TEF: variants seen among roughly 807,000 people sequenced by gnomAD.
TEF encodes thyrotroph embryonic factor.
A neutral mutation model predicts 20.8 loss-of-function variants in TEF; 3 were observed. The ratio of observed to expected loss-of-function variants is 0.14; its 90% CI spans 0.07 to 0.37. The LOEUF (loss-of-function observed/expected upper bound fraction) is 0.37. TEF is among the 10% of genes least tolerant of loss of function. The pLI is 1.00. For synonymous variants in TEF, 180 were observed against 171.1 expected (o/e 1.05, Z -0.41); for missense variants, 296 against 397.9 (o/e 0.74, Z 2.18).
At position 41,382,785 on chromosome 22, in the gene TEF, G is replaced by C. The variant is rs528034215; in HGVS notation, c.157+584G>C. 29 of 407,276 alleles carry C rather than the reference G, an allele frequency of 7.1e-5. No homozygotes were observed. The East Asian group carries it at 9.3e-4, about 13-fold the overall frequency. The allele number at this position is 407,276 out of a possible 1,614,324, so 25.2% of individuals were successfully genotyped here. A position where few individuals can be genotyped will look rare whatever the true frequency, so the allele number is the denominator to read the frequency against. The stretch of plus-strand genomic sequence containing the variant: ...TGCGGGGCTTCTGCTGAGCGGGTGG[G>C]GGGGGTGTGGGCGAGTAGTGTGAGG... On this transcript the variant is annotated intron_variant, in intron 1 of 3. Coordinates refer to ENST00000266304, the MANE Select transcript of TEF (RefSeq NM_003216.4).
chr22:41,369,817 A>T, intron 1 of TEF: 1 of 799,610 alleles, frequency 1.3e-6, no homozygotes, highest in Non-Finnish European at 1.5e-6. Context: ...GCTCCAGAAA[A>T]CAGGGATGCC....
chr22:41,384,755 CTT>C (rs907013385), intron 1 of TEF, among the ~76,000 whole-genome samples: 24 of 151,756 alleles, frequency 1.6e-4, no homozygotes, highest in Admixed American at 6.6e-4. Flanking sequence ...TGTAAAGACA[CTT>C]TTTTTTTCTT....
intron 1 of TEF, among the ~76,000 whole-genome samples, chr22:41,374,041 C>T (rs1046155317): frequency 5.9e-5 from 9 of 152,080 alleles, no homozygotes; most frequent in Admixed American, 2.0e-4. Context: ...GGATTGCAGG[C>T]ATGAGCCACC....
rs1242641070 is a variant in TEF, at chr22:41,382,056, G to T, written c.12G>T (p.Ala4=). 3.2e-6 allele frequency: 4 copies of T among 1,231,160 alleles called. No homozygotes were observed. The East Asian group carries it at 9.5e-5, about 29-fold the overall frequency. The allele number at this position is 1,231,160 out of a possible 1,614,324, so 76.3% of individuals were successfully genotyped here. MSD[A]GGGKKPPVDP... is the part of the protein sequence containing the mutation. ...GAGTCCGGGGCACGATGTCCGACGC[G>T]GGCGGCGGAAAGAAGCCGCCTGTGG... The change falls in exon 1 of 4, where the codon GCG becomes GCT. Residue 4 remains alanine, a synonymous_variant. Transcript: ENST00000266304.
intron 1 of TEF, chr22:41,367,732 C>A: frequency 1.2e-6 from 1 of 853,808 alleles, no homozygotes; most frequent in Non-Finnish European, 1.8e-6. Context: ...CCCTTGGTCT[C>A]AGGGTGCAGA....
intron 2 of TEF, among the ~76,000 whole-genome samples, chr22:41,388,999 C>A (rs1221857250): frequency 6.6e-6 from 1 of 152,054 alleles, no homozygotes; most frequent in East Asian, 1.9e-4. Flanking sequence ...CAATATGTAT[C>A]TAAAATATAA....
chr22:41,378,011 T>C (rs1344617798), upstream of TEF, among the ~76,000 whole-genome samples: 1 of 152,212 alleles, frequency 6.6e-6, no homozygotes, highest in African/African-American at 2.4e-5. Context: ...AACCTTCCAC[T>C]GTTATCATTA....
chr22:41,374,476 C>T (rs2036916502), intron 1 of TEF, among the ~76,000 whole-genome samples: 1 of 151,620 alleles, frequency 6.6e-6, no homozygotes, highest in Non-Finnish European at 1.5e-5. Context: ...GGCGTGAACC[C>T]AGGAGGCAGA....
intron 2 of TEF, among the ~76,000 whole-genome samples, chr22:41,388,366 A>G (rs181137564): frequency 3.3e-5 from 5 of 150,888 alleles, no homozygotes; most frequent in Admixed American, 6.6e-5. Context: ...GCTCACTGCA[A>G]CCTCCATCTC....
Position 41,373,767 on chromosome 22 carries a change from C to CTTTTTT in TEF, c.67+6180_67+6185dup, listed in dbSNP as rs34394084. Among the ~76,000 whole-genome samples, 6 of 125,610 alleles carry CTTTTTT rather than the reference C, an allele frequency of 4.8e-5. 2 individuals are homozygous for CTTTTTT. The allele number at this position is 125,610 out of a possible 152,430, so 82.4% of individuals were successfully genotyped here. A position where few individuals can be genotyped will look rare whatever the true frequency, so the allele number is the denominator to read the frequency against. On this transcript the variant is annotated intron_variant, in intron 1 of 3. Transcript: ENST00000406644. ...ACAGTCGTAAGTCACCACGCCCGGA[C>CTTTTTT]TTTTTTTTTTTTTTTTTGGAGACGG...
chr22:41,369,271 T>C (rs2036853545), intron 1 of TEF: 1 of 984,932 alleles, frequency 1.0e-6, no homozygotes, highest in South Asian at 4.7e-5. Flanking sequence ...TCCCTCACTG[T>C]GGATGAGCAA....
rs777896162 is a variant in TEF, at chr22:41,395,954, C to T, written c.906C>T (p.Pro302=). The T allele has an allele frequency of 1.2e-6, 2 of 1,609,498 alleles. No homozygotes were observed. Among genetic ancestry groups the T allele is most frequent in the African/African-American group, 2.7e-5 (2 of 74,866 alleles). The part of the protein sequence containing the change: ...IVSKYETKYG[P]L ...CCAAGTATGAGACCAAATACGGGCC[C>T]TTGTAACCCGTGCCCCCCGCCCGGG... is the stretch of plus-strand genomic sequence containing the variant. The change falls in exon 4 of 4, where the codon CCC becomes CCT. Residue 302 remains proline (P), a synonymous_variant. Coordinates refer to ENST00000266304, the MANE Select transcript of TEF (RefSeq NM_003216.4).
At chr22:41,380,684 G>A (rs1415802250), upstream of TEF, among the ~76,000 whole-genome samples, 1 of 152,198 alleles carries the variant, frequency 6.6e-6, no homozygotes, top group African/African-American at 2.4e-5. Context: ...AGTCTGATCT[G>A]TACTATAAAG....
chr22:41,388,389 G>A (rs2037125051), intron 2 of TEF, among the ~76,000 whole-genome samples: 1 of 151,568 alleles, frequency 6.6e-6, no homozygotes, highest in African/African-American at 2.4e-5. Flanking sequence ...GGATTGAAGC[G>A]ATTTTTATTT....
At chr22:41,378,664 G>A (rs1051249636), upstream of TEF, among the ~76,000 whole-genome samples, 3 of 151,262 alleles carry the variant, frequency 2.0e-5, no homozygotes, top group Admixed American at 1.3e-4. Flanking sequence ...TAGAGACAGG[G>A]TTTCACCACG....
chr22:41,367,946 G>C (rs746081717), intron 1 of TEF, among the ~76,000 whole-genome samples: 2 of 152,130 alleles, frequency 1.3e-5, no homozygotes, highest in Non-Finnish European at 2.9e-5. Context: ...CTGTACGCTG[G>C]GGGTGGCAGA....
intron 2 of TEF, among the ~76,000 whole-genome samples, chr22:41,390,916 C>T (rs1318695284): frequency 6.6e-6 from 1 of 152,122 alleles, no homozygotes; most frequent in African/African-American, 2.4e-5. Context: ...TTTCTCTTAT[C>T]CTGTCCCTGA....
Position 41,373,837 on chromosome 22 carries a change from C to T in TEF, c.67+6238C>T, listed in dbSNP as rs530201881. Among the ~76,000 whole-genome samples the T allele has an allele frequency of 2.7e-5, 4 of 150,194 alleles. No individual in the cohort carries two copies. The East Asian group carries it at 7.8e-4, about 29-fold the overall frequency. On this transcript the variant is annotated intron_variant, in intron 1 of 3. Transcript: ENST00000406644. ...GGAGTGCAATGGTGTGGCCTCGGCT[C>T]ACTGCAACCTCTGCCTCCAGGGTTC...
At chr22:41,380,524 C>T (rs539746195), upstream of TEF, among the ~76,000 whole-genome samples, 1 of 152,286 alleles carries the variant, frequency 6.6e-6, no homozygotes, top group African/African-American at 2.4e-5. Flanking sequence ...CATGCATCTA[C>T]CCCCTGAACC....
Sources: allele counts gnomAD v4.1 joint callset (sites outside exome capture counted in the v4.1 genomes callset), GRCh38; gene constraint gnomAD v4.1.1; transcripts MANE v1.5; gene names NCBI Gene and HGNC (gene_info 2026-07-23, HGNC 2026-07-21).